FLAD1: variants seen among roughly 807,000 people sequenced by gnomAD.
FLAD1 encodes bifunctional FAD diphosphatase/FAD synthase.
In FLAD1, 35 loss-of-function variants were observed where a neutral mutation model predicts 55.0. That is an observed-to-expected ratio of 0.64 (90% CI 0.49 to 0.84). The LOEUF (loss-of-function observed/expected upper bound fraction) is 0.84, where lower values mean the gene tolerates loss of function less well. FLAD1 is among the 40% of genes least tolerant of loss of function. FLAD1 has a pLI of 0.00. For synonymous variants in FLAD1, 267 were observed against 303.0 expected (o/e 0.88, Z 1.23); for missense variants, 665 against 742.6 (o/e 0.90, Z 1.21).
At chr1:154,984,630 C>T (rs1378844619) in intron 1 of FLAD1, among the ~76,000 whole-genome samples, 6 of 147,422 alleles carry the variant, frequency 4.1e-5, no homozygotes, top group African/African-American at 7.6e-5. Context: ...ATTGCTTGAA[C>T]GTGGGAGGCG....
chr1:154,986,019 CTGTG>C (rs57098553), intron 1 of FLAD1, among the ~76,000 whole-genome samples: 4,421 of 142,990 alleles, frequency 0.031, 88 homozygotes, highest in Admixed American at 0.073. Flanking sequence ...CTGCGCCCGG[CTGTG>C]TGTGTGTGTG....
In FLAD1 at chr1:154,987,785, A is replaced by T. The variant is rs532116709; in HGVS notation, c.373-320A>T. The T allele has an allele frequency of 1.1e-4, 57 of 529,394 alleles. No individual in the cohort carries two copies. In the Middle Eastern group the frequency reaches 1.5e-3, roughly 14 times the overall value. 32.8% of individuals were successfully genotyped at this position (529,394 alleles called of 1,614,324 possible). A position where few individuals can be genotyped will look rare whatever the true frequency, so the allele number is the denominator to read the frequency against. On this transcript the variant is annotated intron_variant, in intron 1 of 6. Coordinates refer to ENST00000292180, the MANE Select transcript of FLAD1 (RefSeq NM_025207.5). The stretch of plus-strand genomic sequence containing the variant: ...GACCCCATTTCTACAAAAAAAATTT[A>T]AAATGAGCTGAATGTGGTGGCACGC...
rs1328076604 is a variant in FLAD1, at chr1:154,983,636, A to T, written c.-59A>T. Reference sequence around the variant, plus strand: ...GCAAACGGAAGACACTTAAAGTGGTAGGTTCTCAAGAGAGAAGAAGTTTTT... The same window carrying T: ...GCAAACGGAAGACACTTAAAGTGGTTGGTTCTCAAGAGAGAAGAAGTTTTT... On this transcript the variant is annotated 5_prime_UTR_variant, in exon 1 of 7. The change abolishes the stop of an existing upstream ORF in the 5' untranslated region. Transcript: ENST00000292180. The T allele has an allele frequency of 2.6e-6, 4 of 1,526,386 alleles. No homozygotes were observed. Among genetic ancestry groups the T allele is most frequent in the Non-Finnish European group, 3.5e-6 (4 of 1,133,184 alleles). 94.6% of individuals were successfully genotyped at this position (1,526,386 alleles called of 1,614,324 possible).
chr1:154,988,046 C>T, intron 1 of FLAD1, 59 bp from the exon 2 acceptor site: 4 of 1,613,274 alleles, frequency 2.5e-6, no homozygotes, highest in Non-Finnish European at 3.4e-6. Flanking sequence ...CCATCATCTT[C>T]AACCCCTCCC....
In FLAD1 at chr1:154,988,566, G is replaced by T. The variant is rs1182194212; in HGVS notation, c.834G>T (p.Gln278His). The T allele has an allele frequency of 1.2e-6, 2 of 1,614,126 alleles. No homozygotes were observed. The highest frequency in any genetic ancestry group is 8.5e-7 in the Non-Finnish European group (1 of 1,180,062). ...GACTATTCCAAAACCCAGCTGTTCA[G>T]TTCCACTCAAAGGAGCTATATGTGG... ...MKGLFQNPAV[Q>H]FHSKELYVAA... is the part of the protein sequence containing the mutation. Residue 278 changes from glutamine to histidine, a missense_variant, in exon 2 of 7, where the codon CAG becomes CAT. Physicochemically the swap from Gln to His is conservative, Grantham distance 24. Coordinates refer to ENST00000292180, the MANE Select transcript of FLAD1 (RefSeq NM_025207.5).
At position 154,990,169 on chromosome 1, in the gene FLAD1, G is replaced by C. The variant is rs777430060; in HGVS notation, c.1276G>C (p.Asp426His). 8 of 1,613,722 alleles carry C rather than the reference G, an allele frequency of 5.0e-6. No individual in the cohort carries two copies. In the Admixed American group the frequency reaches 8.3e-5, roughly 17 times the overall value. Residue 426 changes from aspartate to histidine, a missense_variant, in exon 4 of 7, where the codon GAT becomes CAT. Asp to His is a moderately conservative substitution (Grantham distance 81). Coordinates refer to ENST00000292180, the MANE Select transcript of FLAD1 (RefSeq NM_025207.5). Reference sequence around the variant, plus strand: ...CTTCCCCCTCTGCAGGAAATTACCTGATGTTCCAAACCCCCTCCAGATCCT... The same window carrying C: ...CTTCCCCCTCTGCAGGAAATTACCTCATGTTCCAAACCCCCTCCAGATCCT... ...FHAAVQRKLP[D>H]VPNPLQILYI... is the part of the protein sequence containing the mutation.
In FLAD1 at chr1:154,983,569, C is replaced by T. The variant is rs952826920; in HGVS notation, c.-126C>T. 2 of 983,476 alleles carry T rather than the reference C, an allele frequency of 2.0e-6. No individual in the cohort carries two copies. The highest frequency in any genetic ancestry group is 2.3e-5 in the Admixed American group (1 of 43,210). The allele number at this position is 983,476 out of a possible 1,614,324, so 60.9% of individuals were successfully genotyped here. ...GATAAGGTAGACATTTAAAGGGGTA[C>T]GGATGCCCAAGGTAGAGCAGACACT... On this transcript the variant is annotated 5_prime_UTR_variant, in exon 1 of 7. In the 5' UTR this introduces an upstream ATG that the reference lacks. Coordinates refer to ENST00000292180, the MANE Select transcript of FLAD1 (RefSeq NM_025207.5).
At position 154,984,989 on chromosome 1, in the gene FLAD1, GGAGTTGCTGT is replaced by G. The variant is rs1459388842; in HGVS notation, c.372+926_372+935del. Reference sequence around the variant, plus strand: ...AAGCAGTCCTCCTGCCTCAGCATCTGGAGTTGCTGTGACTACAGGTGTTAGCCGCCACACC... The same window carrying G: ...AAGCAGTCCTCCTGCCTCAGCATCTGGACTACAGGTGTTAGCCGCCACACC... On this transcript the variant is annotated intron_variant, in intron 1 of 6. Transcript: ENST00000292180. Among the ~76,000 whole-genome samples, 3 of 147,150 alleles carry G rather than the reference GGAGTTGCTGT, an allele frequency of 2.0e-5. No homozygotes were observed. The East Asian group carries it at 6.0e-4, about 30-fold the overall frequency.
chr1:154,985,140 G>T (rs941334649), intron 1 of FLAD1, among the ~76,000 whole-genome samples: 1 of 142,340 alleles, frequency 7.0e-6, no homozygotes, highest in African/African-American at 2.6e-5. Context: ...ACCTTGCTGG[G>T]ATTATAGGCA....
At chr1:154,986,090 C>T (rs1432298769) in intron 1 of FLAD1, among the ~76,000 whole-genome samples, 3 of 151,642 alleles carry the variant, frequency 2.0e-5, no homozygotes, top group Admixed American at 6.6e-5. Flanking sequence ...CACGCTGGAG[C>T]GCAAATGGCG....
rs1394328820 is a variant in FLAD1, at chr1:154,983,972, G to A, written c.278G>A (p.Arg93Lys). The A allele has an allele frequency of 6.4e-7, 1 of 1,564,002 alleles. No homozygotes were observed. Among genetic ancestry groups the A allele is most frequent in the South Asian group, 1.2e-5 (1 of 85,242 alleles). The change falls in exon 1 of 7, where the codon AGA becomes AAA. Residue 93 changes from arginine (R) to lysine (K), a missense_variant. Coordinates refer to ENST00000292180, the MANE Select transcript of FLAD1 (RefSeq NM_025207.5). ...GGYWRALQRGREGRTMTSRAS... is the reference protein window; with the variant it reads ...GGYWRALQRGKEGRTMTSRAS... ...TACTGGAGGGCCTTGCAGAGGGGCA[G>A]AGAAGGCAGGACCATGACATCTAGG... is the stretch of plus-strand genomic sequence containing the variant.
rs1196411494 is a variant in FLAD1, at chr1:154,983,762, G to C, written c.68G>C (p.Trp23Ser). 1 of 1,614,170 alleles carries C rather than the reference G, an allele frequency of 6.2e-7. No homozygotes were observed. Among genetic ancestry groups the C allele is most frequent in the Non-Finnish European group, 8.5e-7 (1 of 1,180,004 alleles). ...CAAAGGAGTCGCTTGTCAAGGATCTGGTTAGAGAAGACTAGGGTCTTCCTC... is the reference window on the plus strand; with the variant it reads ...CAAAGGAGTCGCTTGTCAAGGATCTCGTTAGAGAAGACTAGGGTCTTCCTC... ...QEQRSRLSRI[W>S]LEKTRVFLEG... The change falls in exon 1 of 7, where the codon TGG (tryptophan) becomes TCG (serine). Residue 23 changes from tryptophan (W) to serine (S), a missense_variant. Physicochemically the swap from Trp to Ser is radical, Grantham distance 177 (BLOSUM62 -3). Coordinates refer to ENST00000292180, the MANE Select transcript of FLAD1 (RefSeq NM_025207.5).
chr1:154,990,048 G>T (rs1287195712), intron 3 of FLAD1, 111 bp from the exon 4 acceptor site: 3 of 900,316 alleles, frequency 3.3e-6, no homozygotes, highest in Non-Finnish European at 5.4e-6. Flanking sequence ...ACAAGGAAAA[G>T]GGAGAAGGGG....
chr1:154,983,777 G>A lies in FLAD1; in HGVS notation c.83G>A (p.Arg28Lys), dbSNP rs1470252757. The change falls in exon 1 of 7, where the codon AGG (arginine) becomes AAG (lysine). Residue 28 changes from arginine (R) to lysine (K), a missense_variant. Transcript: ENST00000292180. ...RLSRIWLEKT[R>K]VFLEGSTRTP... ...TCAAGGATCTGGTTAGAGAAGACTA[G>A]GGTCTTCCTCGAAGGAAGCACGCGC... 2.5e-6 allele frequency: 4 copies of A among 1,613,932 alleles called. No homozygotes were observed. In the African/African-American group the frequency reaches 5.3e-5, roughly 22 times the overall value.
rs774985299 is a variant in FLAD1, at chr1:154,988,128, C to G, written c.396C>G (p.Thr132=). ...ILKGHTQDTN[T]FFLCRTLRSL... ...AGGGACACACTCAGGACACCAACAC[C>G]TTCTTTCTGTGCCGGACACTGCGCT... The change falls in exon 2 of 7, where the codon ACC becomes ACG. Residue 132 remains threonine, a synonymous_variant. Coordinates refer to ENST00000292180, the MANE Select transcript of FLAD1 (RefSeq NM_025207.5). 1 of 1,614,154 alleles carries G rather than the reference C, an allele frequency of 6.2e-7. No homozygotes were observed. The highest frequency in any genetic ancestry group is 1.3e-5 in the African/African-American group (1 of 75,042).
rs1657947100 is a variant in FLAD1, at chr1:154,992,959, G to C, written c.1686G>C (p.Leu562=). The change falls in exon 7 of 7, where the codon CTG becomes CTC. Residue 562 remains leucine (L), a synonymous_variant. Transcript: ENST00000292180. ...TGCGGAACCCGGCCCTGAAGTGCCT[G>C]AGCCCAGGAGGACACCCCACATACC... The part of the protein sequence containing the change: ...NTVRNPALKC[L]SPGGHPTYRP... The C allele has an allele frequency of 1.2e-6, 2 of 1,613,962 alleles. No homozygotes were observed. The highest frequency in any genetic ancestry group is 1.7e-6 in the Non-Finnish European group (2 of 1,180,012).
Position 154,983,587 on chromosome 1 carries a change from C to G in FLAD1, c.-108C>G. ...AGGGGTACGGATGCCCAAGGTAGAG[C>G]AGACACTTGAGGAGACCAGCTCAGC... On this transcript the variant is annotated 5_prime_UTR_variant, in exon 1 of 7. Coordinates refer to ENST00000292180, the MANE Select transcript of FLAD1 (RefSeq NM_025207.5). 4.1e-6 allele frequency: 5 copies of G among 1,212,246 alleles called. No homozygotes were observed. The highest frequency in any genetic ancestry group is 1.5e-5 in the South Asian group (1 of 67,336). The allele number at this position is 1,212,246 out of a possible 1,614,324, so 75.1% of individuals were successfully genotyped here.
chr1:154,985,031 A>ATTTTTTTT (rs749772991), intron 1 of FLAD1, among the ~76,000 whole-genome samples: 4 of 32,552 alleles, frequency 1.2e-4, no homozygotes, highest in East Asian at 1.4e-3. Flanking sequence ...CACCTGGCTA[A>ATTTTTTTT]TTTTTTTTTT....
intron 1 of FLAD1, among the ~76,000 whole-genome samples, chr1:154,986,521 C>T (rs780900837): frequency 6.6e-6 from 1 of 152,074 alleles, no homozygotes; most frequent in Non-Finnish European, 1.5e-5. Context: ...ACAACAACCC[C>T]ACACAAAAAT....
Sources: allele counts gnomAD v4.1 joint callset (sites outside exome capture counted in the v4.1 genomes callset), GRCh38; gene constraint gnomAD v4.1.1; transcripts MANE v1.5; gene names NCBI Gene and HGNC (gene_info 2026-07-23, HGNC 2026-07-21).